Variants in PLEKHH2 observed in about 807,000 individuals in gnomAD.
PLEKHH2 encodes pleckstrin homology domain-containing family H member 2.
A neutral mutation model predicts 187.9 loss-of-function variants in PLEKHH2; 129 were observed. The ratio of observed to expected loss-of-function variants is 0.69; its 90% CI spans 0.59 to 0.79. PLEKHH2 has a LOEUF of 0.79. Among genes scored for constraint, PLEKHH2 ranks in the 30% least tolerant of loss-of-function variants. PLEKHH2 has a pLI of 0.00. For missense variants in PLEKHH2, 2,076 were observed against 1,751.2 expected, an observed-to-expected ratio of 1.19 and a Z score of -3.31; for synonymous variants, 686 against 605.6, an observed-to-expected ratio of 1.13 and a Z score of -1.95.
chr2:43,693,723 C>CAAAAAAAACAAA (rs1668948787), intron 4 of PLEKHH2, among the ~76,000 whole-genome samples: 1 of 69,708 alleles, frequency 1.4e-5, no homozygotes, highest in Non-Finnish European at 2.5e-5. Context: ...GACTCCATCT[C>CAAAAAAAACAAA]AAAAAAAAAA....
chr2:43,681,557 T>C, intron 3 of PLEKHH2: 3 of 1,209,092 alleles, frequency 2.5e-6, no homozygotes, highest in South Asian at 1.3e-5. Flanking sequence ...GACTCACTTC[T>C]GTGGGCCCGC....
At position 43,738,512 on chromosome 2, in the gene PLEKHH2, C is replaced by A. The variant is rs1184706434; in HGVS notation, c.3115C>A (p.Pro1039Thr). The change falls in exon 20 of 30, where the codon CCA becomes ACA. Residue 1039 changes from proline to threonine, a missense_variant. Pro to Thr is a conservative substitution (Grantham distance 38). Transcript: ENST00000282406. ...AAGACAGCCACAGAATCAACCAGGA[C>A]CATTGCAGGTAGATATTAATATTGA... is the stretch of plus-strand genomic sequence containing the variant. ...RRRQPQNQPG[P>T]LQGWQLLALC... 16 of 1,607,408 alleles carry A rather than the reference C, an allele frequency of 1.0e-5. No individual in the cohort carries two copies. The highest frequency in any genetic ancestry group is 1.4e-5 in the Non-Finnish European group (16 of 1,175,790).
intron 1 of PLEKHH2, among the ~76,000 whole-genome samples, chr2:43,643,041 G>T (rs1038928904): frequency 1.3e-5 from 2 of 151,792 alleles, no homozygotes; most frequent in Non-Finnish European, 2.9e-5. Flanking sequence ...TTCCCTGTTC[G>T]CTCTAAAGCT....
Position 43,699,699 on chromosome 2 carries a change from A to G in PLEKHH2, c.741A>G (p.Arg247=). The G allele has an allele frequency of 8.1e-6, 13 of 1,614,080 alleles. No homozygotes were observed. The highest frequency in any genetic ancestry group is 1.1e-5 in the Non-Finnish European group (13 of 1,179,952). The change falls in exon 8 of 30, where the codon AGA becomes AGG. Residue 247 remains arginine, a synonymous_variant. Coordinates refer to ENST00000282406, the MANE Select transcript of PLEKHH2 (RefSeq NM_172069.4). The part of the protein sequence containing the change: ...SVDNQVLENN[R]GQRTLHQTPC... ...ATAACCAAGTTCTAGAAAACAACAG[A>G]GGCCAGAGAACATTGCATCAAACCC...
chr2:43,717,411 C>G (rs373820089), intron 15 of PLEKHH2, among the ~76,000 whole-genome samples: 1,466 of 127,544 alleles, frequency 0.011, 29 homozygotes, highest in African/African-American at 0.047. Flanking sequence ...GAGTGAGACT[C>G]CACCTCAAAC....
chr2:43,647,175 T>C (rs1461830124), intron 2 of PLEKHH2, among the ~76,000 whole-genome samples: 6 of 152,228 alleles, frequency 3.9e-5, no homozygotes, highest in Non-Finnish European at 8.8e-5. Flanking sequence ...ATACATTTTA[T>C]TGTGCTCATT....
At chr2:43,729,780 T>G (rs1239482012) in intron 18 of PLEKHH2, 35 bp downstream of exon 18, 1 of 1,430,066 alleles carries the variant, frequency 7.0e-7, no homozygotes, top group Non-Finnish European at 9.5e-7. Flanking sequence ...AGCTTTATGG[T>G]TAATGAAATG....
intron 1 of PLEKHH2, among the ~76,000 whole-genome samples, chr2:43,644,244 A>AT (rs1165277389): frequency 6.6e-6 from 1 of 152,154 alleles, no homozygotes; most frequent in African/African-American, 2.4e-5. Flanking sequence ...TGATAGATTC[A>AT]AACAATCTTA....
chr2:43,700,174 AC>A lies in PLEKHH2; in HGVS notation c.1220del (p.Pro407GlnfsTer5). 1 of 1,613,964 alleles carries A rather than the reference AC, an allele frequency of 6.2e-7. No individual in the cohort carries two copies. The highest frequency in any genetic ancestry group is 8.5e-7 in the Non-Finnish European group (1 of 1,179,970). On this transcript the variant is annotated frameshift_variant, in exon 8 of 30. Coordinates refer to ENST00000282406, the MANE Select transcript of PLEKHH2 (RefSeq NM_172069.4). LOFTEE classifies it high-confidence loss of function. ...DYSSSSSEAN[T>X]PSPILTPALM... ...TTCATCTTCATCGAGTGAAGCCAAC[AC>A]CCCAAGCCCTATTTTGACCCCAGCT...
At position 43,644,796 on chromosome 2, in the gene PLEKHH2, G is replaced by C. The variant is rs753582626; in HGVS notation, c.123G>C (p.Lys41Asn). 6.2e-7 allele frequency: 1 copy of C among 1,602,136 alleles called. No homozygotes were observed. The highest frequency in any genetic ancestry group is 1.1e-5 in the South Asian group (1 of 88,644). The part of the protein sequence containing the change: ...ASKIRELLAE[K>N]MQQLERQVID... ...AGATACGAGAGCTTTTAGCAGAGAA[G>C]GTAAGCTTTCTCCCTAAGCTTTGTT... The change falls in exon 2 of 30, where the codon AAG becomes AAC. Residue 41 changes from lysine (K) to asparagine (N), a missense_variant and splice_region_variant. Transcript: ENST00000282406.
intron 10 of PLEKHH2, 53 bp from the exon 11 acceptor site, chr2:43,707,348 A>T: frequency 1.3e-6 from 2 of 1,599,114 alleles, no homozygotes; most frequent in South Asian, 2.2e-5. Context: ...CTTTTCTTGG[A>T]TGAGTGGTAA....
chr2:43,673,915 G>A (rs547986964), intron 2 of PLEKHH2, among the ~76,000 whole-genome samples: 33 of 152,166 alleles, frequency 2.2e-4, no homozygotes, highest in African/African-American at 5.3e-4. Flanking sequence ...GCCTGATTGC[G>A]CCTTCAAGAC....
At chr2:43,649,526 A>G (rs991195778) in intron 2 of PLEKHH2, among the ~76,000 whole-genome samples, 2 of 152,218 alleles carry the variant, frequency 1.3e-5, no homozygotes, top group Non-Finnish European at 2.9e-5. Flanking sequence ...TCATAGGAAT[A>G]AGGAGTCCTT....
At chr2:43,727,368 C>G (rs945745477) in intron 17 of PLEKHH2, among the ~76,000 whole-genome samples, 1 of 142,480 alleles carries the variant, frequency 7.0e-6, no homozygotes, top group African/African-American at 2.7e-5. Flanking sequence ...GCTGAGATCG[C>G]ACCACTGCAC....
chr2:43,681,897 A>T (rs1668211437), intron 3 of PLEKHH2, among the ~76,000 whole-genome samples: 1 of 152,216 alleles, frequency 6.6e-6, no homozygotes, highest in Admixed American at 6.5e-5. Context: ...AATGTAGCCT[A>T]ATCTTTGATT....
At chr2:43,640,755 C>G (rs1203644014) in intron 1 of PLEKHH2, among the ~76,000 whole-genome samples, 1 of 151,656 alleles carries the variant, frequency 6.6e-6, no homozygotes, top group Admixed American at 6.6e-5. Context: ...AGATACTTTG[C>G]CCATTTTTAT....
At chr2:43,731,317 C>T (rs963634280) in intron 18 of PLEKHH2, among the ~76,000 whole-genome samples, 173 bp from the exon 19 acceptor site, 2 of 152,096 alleles carry the variant, frequency 1.3e-5, no homozygotes, top group Admixed American at 6.5e-5. Context: ...ATGAGAATCC[C>T]AATGACCTGG....
At chr2:43,654,711 C>CCT (rs1553329074) in intron 2 of PLEKHH2, among the ~76,000 whole-genome samples, 1 of 143,386 alleles carries the variant, frequency 7.0e-6, no homozygotes, top group Admixed American at 7.0e-5. Flanking sequence ...GACACCCCCC[C>CCT]CCCCCGCATC....
At chr2:43,759,478 C>A (rs1672344879) in intron 27 of PLEKHH2, among the ~76,000 whole-genome samples, 2 of 152,222 alleles carry the variant, frequency 1.3e-5, no homozygotes, top group Admixed American at 1.3e-4. Flanking sequence ...AAACAAACCA[C>A]TGTATGGCAA....
Sources: allele counts gnomAD v4.1 joint callset (sites outside exome capture counted in the v4.1 genomes callset), GRCh38; gene constraint gnomAD v4.1.1; transcripts MANE v1.5; gene names NCBI Gene and HGNC (gene_info 2026-07-23, HGNC 2026-07-21).